Variants in CHCT1 observed in about 807,000 individuals in gnomAD.
CHCT1 encodes CHD1 helical C-terminal domain containing 1.
chr17:60,422,228 T>G, the CHCT1 span: 1 of 310,096 alleles, frequency 3.2e-6, no homozygotes, highest in Non-Finnish European at 6.1e-6. Flanking sequence ...TGCAGGAAAA[T>G]GAGTTCAACA....
the CHCT1 span, among the ~76,000 whole-genome samples, chr17:60,424,157 A>G: frequency 6.6e-6 from 1 of 152,198 alleles, no homozygotes; most frequent in Non-Finnish European, 1.5e-5. Context: ...CACCAAGCCC[A>G]TTCATGAAGG....
the CHCT1 span, among the ~76,000 whole-genome samples, chr17:60,430,122 C>CCTTTTTTT: frequency 4.7e-5 from 3 of 64,316 alleles, 1 homozygote; most frequent in African/African-American, 1.1e-4. Context: ...ACGCACCTGG[C>CCTTTTTTT]TTTTTTTTTT....
At chr17:60,421,688 C>A in the CHCT1 span, 1 of 833,358 alleles carries the variant, frequency 1.2e-6, no homozygotes, top group Non-Finnish European at 1.4e-6. Flanking sequence ...GGTCCCGGGG[C>A]CTCCTGAGCA....
chr17:60,427,531 C>T, the CHCT1 span, among the ~76,000 whole-genome samples: 2 of 152,042 alleles, frequency 1.3e-5, no homozygotes, highest in Non-Finnish European at 2.9e-5. Flanking sequence ...GATTCTCCTG[C>T]CACAGCCTCC....
chr17:60,426,396 C>A, the CHCT1 span: 2 of 1,447,908 alleles, frequency 1.4e-6, no homozygotes, highest in South Asian at 2.7e-5. Context: ...CCTCTTCATT[C>A]AAGGGGACAC....
At chr17:60,422,271 A>G in the CHCT1 span, 2 of 398,624 alleles carry the variant, frequency 5.0e-6, no homozygotes, top group Non-Finnish European at 9.1e-6. Context: ...TCAGCATCTG[A>G]CAGTATTCTT....
At chr17:60,422,037 G>C in the CHCT1 span, 11 of 771,094 alleles carry the variant, frequency 1.4e-5, no homozygotes, top group East Asian at 1.3e-4. Context: ...CACCCAGCAC[G>C]GAGGGCTTAT....
At chr17:60,429,662 C>A in the CHCT1 span, 6 of 1,121,482 alleles carry the variant, frequency 5.4e-6, no homozygotes, top group Non-Finnish European at 6.3e-6. Context: ...CCTCTGCCCC[C>A]AGCCTGACAA....
chr17:60,429,441 C>A, the CHCT1 span: 2 of 1,614,262 alleles, frequency 1.2e-6, no homozygotes, highest in East Asian at 4.5e-5. Flanking sequence ...CTCTGCCATG[C>A]ATGGGGGCTG....
At chr17:60,427,963 G>A in the CHCT1 span, among the ~76,000 whole-genome samples, 3 of 152,054 alleles carry the variant, frequency 2.0e-5, no homozygotes, top group Non-Finnish European at 4.4e-5. Context: ...ATTCGTATCA[G>A]TGAAATTTTC....
At chr17:60,429,261 C>A in the CHCT1 span, 1 of 1,295,300 alleles carries the variant, frequency 7.7e-7, no homozygotes, top group Non-Finnish European at 1.1e-6. Flanking sequence ...GTGTGACCGG[C>A]AGGCAGACCT....
At chr17:60,425,947 A>G in the CHCT1 span, 2 of 1,406,446 alleles carry the variant, frequency 1.4e-6, no homozygotes, top group Non-Finnish European at 2.0e-6. Context: ...GGCCTGAGTC[A>G]GGAAATGGCA....
the CHCT1 span, among the ~76,000 whole-genome samples, chr17:60,430,879 G>A: frequency 6.6e-6 from 1 of 152,236 alleles, no homozygotes. Context: ...AGAATCAGAG[G>A]TTGGAGCCAG....
the CHCT1 span, chr17:60,421,329 A>C: frequency 1.0e-6 from 1 of 976,108 alleles, no homozygotes; most frequent in Non-Finnish European, 1.2e-6. Flanking sequence ...TTCTGGACTC[A>C]AAGGGTGCTC....
the CHCT1 span, among the ~76,000 whole-genome samples, chr17:60,427,197 T>C: frequency 6.6e-6 from 1 of 152,102 alleles, no homozygotes; most frequent in African/African-American, 2.4e-5. Flanking sequence ...GTGCCCAGAG[T>C]AGCAGCACAG....
the CHCT1 span, chr17:60,431,417 T>A: frequency 3.3e-6 from 2 of 603,920 alleles, no homozygotes. Context: ...CTTATGACAG[T>A]TCTACCTTAC....
the CHCT1 span, among the ~76,000 whole-genome samples, chr17:60,423,234 T>C: frequency 0.15 from 22,630 of 150,930 alleles, 3,766 homozygotes; most frequent in African/African-American, 0.41. Context: ...CTCTGTCACC[T>C]AGGCTGGACT....
chr17:60,428,423 C>T, the CHCT1 span, among the ~76,000 whole-genome samples: 1 of 151,784 alleles, frequency 6.6e-6, no homozygotes, highest in African/African-American at 2.4e-5. Flanking sequence ...AATGATTTCT[C>T]TTCTGAATAA....
the CHCT1 span, chr17:60,426,548 G>A: frequency 2.6e-6 from 3 of 1,140,088 alleles, no homozygotes; most frequent in African/African-American, 4.7e-5. Flanking sequence ...TCAATACCAG[G>A]ATAGGATATT....
Sources: gnomAD v4.1 joint callset for allele counts (sites outside exome capture counted in the v4.1 genomes callset) on GRCh38, gnomAD v4.1.1 for gene constraint, MANE v1.5 for transcripts, NCBI Gene and HGNC (gene_info 2026-07-23, HGNC 2026-07-21) for gene names.